CNTN3: variants seen among roughly 807,000 people sequenced by gnomAD.
The protein encoded by CNTN3 is contactin-3.
CNTN3 carries 60 observed loss-of-function variants against 119.1 expected under a neutral mutation model. The observed-to-expected ratio is 0.50, with a 90% confidence interval of 0.41 to 0.62. CNTN3 has a LOEUF of 0.62. CNTN3 is among the 20% of genes least tolerant of loss of function. The pLI, the probability that CNTN3 is intolerant of heterozygous loss-of-function variation, is 0.00. For synonymous variants in CNTN3, 450 were observed against 438.7 expected (o/e 1.03, Z -0.32); for missense variants, 1,101 against 1,242.4 (o/e 0.89, Z 1.71).
Position 74,333,839 on chromosome 3 carries a change from C to A in CNTN3, c.1668+896G>T, listed in dbSNP as rs192914483. 4.5e-4 allele frequency among the ~76,000 whole-genome samples: 68 copies of A among 152,242 alleles called. 1 individual carries two copies. The highest frequency in any genetic ancestry group is 1.5e-3 in the Admixed American group (23 of 15,290). On this transcript the variant is annotated intron_variant, in intron 13 of 22. Transcript: ENST00000263665. ...GTCAAATGAACACAGTTGAGTTGAC[C>A]ATCATATGGCTTTCTACTTTACTGA...
At chr3:74,457,309 T>C (rs898943906) in intron 4 of CNTN3, among the ~76,000 whole-genome samples, 1 of 152,026 alleles carries the variant, frequency 6.6e-6, no homozygotes, top group African/African-American at 2.4e-5. Context: ...CATCAAAAAA[T>C]GATAAAATTT....
At chr3:74,442,992 G>A (rs1039702925) in intron 4 of CNTN3, among the ~76,000 whole-genome samples, 1 of 152,146 alleles carries the variant, frequency 6.6e-6, no homozygotes, top group African/African-American at 2.4e-5. Context: ...CTCCAATGAA[G>A]AAGTTACAAA....
chr3:74,281,817 G>A (rs966849415), intron 20 of CNTN3, among the ~76,000 whole-genome samples: 1 of 152,276 alleles, frequency 6.6e-6, no homozygotes, highest in Non-Finnish European at 1.5e-5. Flanking sequence ...ATTTAAATGG[G>A]TTGGAAGGAG....
At chr3:74,550,490 C>T (rs1423665993) in intron 1 of CNTN3, among the ~76,000 whole-genome samples, 2 of 152,166 alleles carry the variant, frequency 1.3e-5, no homozygotes, top group Non-Finnish European at 2.9e-5. Flanking sequence ...GGAAGAACTG[C>T]TTGGTCAGCT....
chr3:74,391,554 T>A (rs959361191), intron 5 of CNTN3, among the ~76,000 whole-genome samples: 2 of 117,972 alleles, frequency 1.7e-5, no homozygotes, highest in African/African-American at 6.5e-5. Context: ...ACTCCCATAG[T>A]TTCTTTTTTT....
chr3:74,319,135 C>G (rs187070580), intron 13 of CNTN3, among the ~76,000 whole-genome samples: 2 of 152,078 alleles, frequency 1.3e-5, no homozygotes, highest in Non-Finnish European at 2.9e-5. Flanking sequence ...AAGCTACCAA[C>G]GACTTTCTTC....
At chr3:74,375,417 G>T (rs1433950212) in intron 5 of CNTN3, among the ~76,000 whole-genome samples, 1 of 152,108 alleles carries the variant, frequency 6.6e-6, no homozygotes, top group Non-Finnish European at 1.5e-5. Flanking sequence ...CAGAATAAAT[G>T]TCCCCAGAAA....
chr3:74,467,197 G>GA (rs1473366025), intron 4 of CNTN3, among the ~76,000 whole-genome samples: 2 of 151,484 alleles, frequency 1.3e-5, no homozygotes, highest in African/African-American at 4.8e-5. Context: ...AGTCACAAAA[G>GA]AAAAAAATGA....
chr3:74,412,164 C>T (rs139399795), intron 5 of CNTN3, among the ~76,000 whole-genome samples: 3 of 152,130 alleles, frequency 2.0e-5, no homozygotes, highest in African/African-American at 7.2e-5. Context: ...TCAAATTCAC[C>T]TTCTTCCAGG....
chr3:74,434,048 C>T (rs187187852), intron 4 of CNTN3, among the ~76,000 whole-genome samples: 49 of 152,226 alleles, frequency 3.2e-4, no homozygotes, highest in African/African-American at 1.1e-3. Context: ...GTCTTCCCAC[C>T]AAAGTTAAAT....
intron 5 of CNTN3, among the ~76,000 whole-genome samples, chr3:74,384,177 T>C (rs1418093237): frequency 1.3e-5 from 2 of 152,234 alleles, no homozygotes; most frequent in African/African-American, 2.4e-5. Context: ...GAAACAACTA[T>C]AATAGAAGTT....
In CNTN3 at chr3:74,267,312, T is replaced by A. The variant is rs1701679708; in HGVS notation, c.2771A>T (p.Glu924Val). 6.2e-7 allele frequency: 1 copy of A among 1,613,270 alleles called. No homozygotes were observed. Among genetic ancestry groups the A allele is most frequent in the Admixed American group, 1.7e-5 (1 of 59,950 alleles). Reference sequence around the variant, plus strand: ...CTCATTCTCCATGGCTTTAACTTGCTCCCAATTAAGTAACACTTTAGTGTC... The same window carrying A: ...CTCATTCTCCATGGCTTTAACTTGCACCCAATTAAGTAACACTTTAGTGTC... ...ATDTKVLLNW[E>V]QVKAMENESE... Residue 924 changes from glutamate (E) to valine (V), a missense_variant, in exon 21 of 23, where the codon GAG (glutamate) becomes GTG (valine). By Grantham distance (121) the Glu-to-Val change is moderately radical. Coordinates refer to ENST00000263665, the MANE Select transcript of CNTN3 (RefSeq NM_020872.3).
At chr3:74,388,478 TA>T (rs960910081) in intron 5 of CNTN3, among the ~76,000 whole-genome samples, 9 of 151,882 alleles carry the variant, frequency 5.9e-5, no homozygotes, top group African/African-American at 2.2e-4. Flanking sequence ...CCATAGCTGT[TA>T]AAAAAAGGAA....
intron 13 of CNTN3, among the ~76,000 whole-genome samples, chr3:74,321,434 T>A (rs1363905272): frequency 6.6e-6 from 1 of 152,144 alleles, no homozygotes; most frequent in Non-Finnish European, 1.5e-5. Context: ...AAAATTTATG[T>A]CATTGAGTGC....
At chr3:74,399,076 C>G (rs1705125007) in intron 5 of CNTN3, among the ~76,000 whole-genome samples, 1 of 152,084 alleles carries the variant, frequency 6.6e-6, no homozygotes, top group Non-Finnish European at 1.5e-5. Flanking sequence ...AGTCATCCTA[C>G]AATGCTATAG....
At chr3:74,357,274 T>C (rs1703958932) in intron 11 of CNTN3, among the ~76,000 whole-genome samples, 1 of 151,270 alleles carries the variant, frequency 6.6e-6, no homozygotes, top group Admixed American at 6.6e-5. Flanking sequence ...CATTTATCAG[T>C]TTATCCAATT....
In CNTN3 at chr3:74,369,184, C is replaced by T. The variant is rs1196083391; in HGVS notation, c.946+5G>A. The T allele has an allele frequency of 6.3e-7, 1 of 1,580,672 alleles. No homozygotes were observed. The highest frequency in any genetic ancestry group is 8.6e-7 in the Non-Finnish European group (1 of 1,165,448). ...AACTCCAATTTGCCCAAAGCAGATG[C>T]TCACCATAGTAAGTGAGACGCCCTC... On this transcript the variant is annotated splice_donor_5th_base_variant and intron_variant, in intron 8 of 22. Transcript: ENST00000263665.
intron 2 of CNTN3, among the ~76,000 whole-genome samples, chr3:74,502,797 C>T (rs1703188616): frequency 6.6e-6 from 1 of 152,152 alleles, no homozygotes; most frequent in Admixed American, 6.5e-5. Flanking sequence ...ATTATACACC[C>T]TTCATTTCCA....
At chr3:74,552,458 AT>A (rs1704005912) in intron 1 of CNTN3, among the ~76,000 whole-genome samples, 1 of 152,170 alleles carries the variant, frequency 6.6e-6, no homozygotes, top group Admixed American at 6.5e-5. Context: ...CCTCACCAGC[AT>A]CTGTGTGACC....
Sources: gnomAD v4.1 joint callset for allele counts (sites outside exome capture counted in the v4.1 genomes callset) on GRCh38, gnomAD v4.1.1 for gene constraint, MANE v1.5 for transcripts, NCBI Gene and HGNC (gene_info 2026-07-23, HGNC 2026-07-21) for gene names.